DEPDC1B: variants seen among roughly 807,000 people sequenced by gnomAD.
DEPDC1B encodes DEP domain containing 1B, also known as DEP domain-containing protein 1B.
A neutral mutation model predicts 66.5 loss-of-function variants in DEPDC1B; 51 were observed. The observed-to-expected ratio is 0.77, with a 90% CI of 0.61 to 0.97. DEPDC1B has a LOEUF of 0.97. DEPDC1B is among the 50% of genes least tolerant of loss of function. The pLI is 0.00. For synonymous variants in DEPDC1B, 226 were observed against 223.6 expected (o/e 1.01, Z -0.10); for missense variants, 552 against 637.1 (o/e 0.87, Z 1.44).
intron 7 of DEPDC1B, among the ~76,000 whole-genome samples, chr5:60,633,149 C>T (rs1752962525): frequency 6.6e-6 from 1 of 152,160 alleles, no homozygotes; most frequent in African/African-American, 2.4e-5. Context: ...ATAACTTGCC[C>T]ACAGTGAGTG....
chr5:60,642,665 T>A lies in DEPDC1B; in HGVS notation c.757+147A>T, dbSNP rs997982423. The A allele has an allele frequency of 8.2e-6, 5 of 610,028 alleles. 1 individual carries two copies. The highest frequency in any genetic ancestry group is 3.3e-5 in the Admixed American group (1 of 30,730). The allele number at this position is 610,028 out of a possible 1,614,324, so 37.8% of individuals were successfully genotyped here. A position where few individuals can be genotyped will look rare whatever the true frequency, so the allele number is the denominator to read the frequency against. On this transcript the variant is annotated intron_variant, in intron 6 of 10. Transcript: ENST00000265036. ...GTCCTTTCACTAAGTCACAAATTTA[T>A]CACTAAAAGCACAGTAGTCCCAAAA...
At chr5:60,670,381 TAAA>T (rs1357827428) in intron 2 of DEPDC1B, among the ~76,000 whole-genome samples, 1 of 151,638 alleles carries the variant, frequency 6.6e-6, no homozygotes, top group South Asian at 2.1e-4. Flanking sequence ...CTCAAAAAAA[TAAA>T]AAATAACAAA....
intron 4 of DEPDC1B, 70 bp from the exon 5 acceptor site, chr5:60,644,945 C>G: frequency 8.2e-7 from 1 of 1,219,966 alleles, no homozygotes; most frequent in South Asian, 1.7e-5. Flanking sequence ...CCTGGTACTA[C>G]AAAAAATCAA....
intron 1 of DEPDC1B, among the ~76,000 whole-genome samples, chr5:60,693,384 A>C (rs934962505): frequency 1.3e-5 from 2 of 152,134 alleles, no homozygotes; most frequent in African/African-American, 4.8e-5. Context: ...GTAGAAAGGA[A>C]GCCCATAAAG....
chr5:60,659,120 C>T (rs999104527), intron 2 of DEPDC1B, among the ~76,000 whole-genome samples: 5 of 152,176 alleles, frequency 3.3e-5, no homozygotes, highest in Admixed American at 1.3e-4. Context: ...TACCACTCAT[C>T]GCATGGCCCA....
intron 7 of DEPDC1B, among the ~76,000 whole-genome samples, chr5:60,608,748 T>G (rs1387146619): frequency 6.6e-6 from 1 of 152,136 alleles, no homozygotes; most frequent in East Asian, 1.9e-4. Context: ...TTCAAAAAAT[T>G]ATTACTAAAC....
At chr5:60,648,218 T>C (rs1293589582) in intron 2 of DEPDC1B, 1 of 152,222 alleles carries the variant, frequency 6.6e-6, no homozygotes, top group Non-Finnish European at 1.5e-5. Context: ...TTTCCCTCTT[T>C]CCTGCCTCAA....
At chr5:60,644,950 A>T (rs1561372657) in intron 4 of DEPDC1B, 75 bp from the exon 5 acceptor site, 8 of 1,200,420 alleles carry the variant, frequency 6.7e-6, no homozygotes, top group Non-Finnish European at 6.8e-6. Flanking sequence ...TACTACAAAA[A>T]ATCAATCTTT....
At chr5:60,692,550 T>A (rs1754570892) in intron 1 of DEPDC1B, among the ~76,000 whole-genome samples, 1 of 152,166 alleles carries the variant, frequency 6.6e-6, no homozygotes. Flanking sequence ...GTGAAAGAAC[T>A]AGAAATCTCA....
At chr5:60,679,195 A>G (rs1448211880) in intron 2 of DEPDC1B, among the ~76,000 whole-genome samples, 1 of 152,174 alleles carries the variant, frequency 6.6e-6, no homozygotes, top group Admixed American at 6.5e-5. Context: ...TTGTAAAAAA[A>G]TCTATTGGCA....
At chr5:60,607,113 A>T (rs1049668145) in intron 7 of DEPDC1B, among the ~76,000 whole-genome samples, 1 of 152,224 alleles carries the variant, frequency 6.6e-6, no homozygotes, top group African/African-American at 2.4e-5. Flanking sequence ...AATGCAAGAA[A>T]TATCTGCAAG....
At chr5:60,601,572 A>G (rs1405211464) in intron 9 of DEPDC1B, among the ~76,000 whole-genome samples, 1 of 152,236 alleles carries the variant, frequency 6.6e-6, no homozygotes, top group African/African-American at 2.4e-5. Context: ...ATTAGCCAAA[A>G]AAAATCTACC....
intron 7 of DEPDC1B, among the ~76,000 whole-genome samples, chr5:60,611,375 G>A (rs1752411416): frequency 6.6e-6 from 1 of 152,192 alleles, no homozygotes; most frequent in Middle Eastern, 3.4e-3. Context: ...TATTGAAATT[G>A]GGCCAATTAA....
intron 2 of DEPDC1B, among the ~76,000 whole-genome samples, chr5:60,677,522 ATTTT>A (rs1197638885): frequency 6.6e-6 from 1 of 151,808 alleles, no homozygotes; most frequent in Non-Finnish European, 1.5e-5. Context: ...CCTCCCTGTC[ATTTT>A]TTTCTTTTTT....
chr5:60,681,464 T>C (rs1754294027), intron 2 of DEPDC1B, among the ~76,000 whole-genome samples: 1 of 152,142 alleles, frequency 6.6e-6, no homozygotes, highest in African/African-American at 2.4e-5. Context: ...GGGAAGGCAC[T>C]CTAACCAGCC....
At chr5:60,672,375 G>A (rs574867372) in intron 2 of DEPDC1B, among the ~76,000 whole-genome samples, 1 of 152,330 alleles carries the variant, frequency 6.6e-6, no homozygotes, top group East Asian at 1.9e-4. Flanking sequence ...CATGGCTGGG[G>A]AGGCCTCGGG....
chr5:60,651,724 G>A (rs1584066539), intron 2 of DEPDC1B, among the ~76,000 whole-genome samples: 2 of 152,218 alleles, frequency 1.3e-5, no homozygotes, highest in East Asian at 3.9e-4. Flanking sequence ...TGAAAGAACA[G>A]TAAGGAAGTT....
intron 6 of DEPDC1B, among the ~76,000 whole-genome samples, chr5:60,639,784 T>C (rs1015660518): frequency 3.3e-5 from 5 of 152,230 alleles, no homozygotes; most frequent in African/African-American, 9.6e-5. Flanking sequence ...AGTCGTCCCA[T>C]GAGGAACAGT....
intron 7 of DEPDC1B, among the ~76,000 whole-genome samples, chr5:60,636,000 C>T (rs748766774): frequency 2.0e-5 from 3 of 152,166 alleles, no homozygotes; most frequent in Admixed American, 6.5e-5. Context: ...CTCCTGTAGC[C>T]TTTTCTGCTT....
Sources: allele counts gnomAD v4.1 joint callset (sites outside exome capture counted in the v4.1 genomes callset), GRCh38; gene constraint gnomAD v4.1.1; transcripts MANE v1.5; gene names NCBI Gene and HGNC (gene_info 2026-07-23, HGNC 2026-07-21).